Variants in RBM19 observed in about 807,000 individuals in gnomAD.
RBM19 encodes the protein RNA binding motif protein 19, also known as probable RNA-binding protein 19.
In RBM19, 94 loss-of-function variants were observed where a neutral mutation model predicts 116.8. That is an observed-to-expected ratio of 0.80 (90% CI 0.68 to 0.95). RBM19 has a LOEUF of 0.95. Ranked by LOEUF, RBM19 falls within the 40% of genes least tolerant of loss-of-function variation. The pLI, the probability that RBM19 is intolerant of heterozygous loss-of-function variation, is 0.00. For missense variants in RBM19, 1,161 were observed against 1,220.7 expected (o/e 0.95, Z 0.73); for synonymous variants, 475 against 494.1 (o/e 0.96, Z 0.51).
At chr12:113,878,283 G>C (rs1879813551) in intron 21 of RBM19, among the ~76,000 whole-genome samples, 1 of 152,118 alleles carries the variant, frequency 6.6e-6, no homozygotes, top group Non-Finnish European at 1.5e-5. Flanking sequence ...CCGGTGTCTT[G>C]ACCTCCTCAC....
At chr12:113,847,959 G>A (rs567807818) in intron 22 of RBM19, among the ~76,000 whole-genome samples, 16 of 152,318 alleles carry the variant, frequency 1.1e-4, no homozygotes, top group Admixed American at 7.2e-4. Flanking sequence ...CATGGTAAGA[G>A]GGGTGGTGGC....
At chr12:113,833,007 C>T (rs1875565644) in intron 23 of RBM19, among the ~76,000 whole-genome samples, 1 of 152,154 alleles carries the variant, frequency 6.6e-6, no homozygotes, top group South Asian at 2.1e-4. Flanking sequence ...TATCATCTGT[C>T]TGCTGATGAC....
chr12:113,919,932 C>T (rs1883008712), intron 19 of RBM19, among the ~76,000 whole-genome samples: 1 of 152,166 alleles, frequency 6.6e-6, no homozygotes, highest in Admixed American at 6.5e-5. Context: ...AATGGTCTCC[C>T]ACTGCCTTTA....
At chr12:113,869,720 A>T in intron 21 of RBM19, among the ~76,000 whole-genome samples, 1 of 150,370 alleles carries the variant, frequency 6.7e-6, no homozygotes, top group African/African-American at 2.4e-5. Flanking sequence ...ATTAAAGAGG[A>T]AAAAAAAAAC....
intron 23 of RBM19, among the ~76,000 whole-genome samples, chr12:113,837,816 A>G (rs1418831170): frequency 6.6e-6 from 1 of 152,256 alleles, no homozygotes; most frequent in Non-Finnish European, 1.5e-5. Context: ...TTGCGACAGT[A>G]CAGTAAATTG....
At chr12:113,884,282 C>CA (rs112733518) in intron 21 of RBM19, among the ~76,000 whole-genome samples, 4,646 of 121,264 alleles carry the variant, frequency 0.038, 174 homozygotes, top group African/African-American at 0.12. Context: ...GACAATATCT[C>CA]AAAAAAAAAA....
At chr12:113,852,542 G>A (rs533685823) in intron 22 of RBM19, among the ~76,000 whole-genome samples, 7 of 152,274 alleles carry the variant, frequency 4.6e-5, no homozygotes, top group Non-Finnish European at 7.4e-5. Flanking sequence ...ATTTGCTTTC[G>A]GTTAACATTT....
At chr12:113,833,449 T>A (rs1875611105) in intron 23 of RBM19, among the ~76,000 whole-genome samples, 1 of 152,228 alleles carries the variant, frequency 6.6e-6, no homozygotes, top group Non-Finnish European at 1.5e-5. Flanking sequence ...TCAAATCTTC[T>A]GGGAGCTTCC....
At chr12:113,862,344 C>T (rs1056352765) in intron 21 of RBM19, among the ~76,000 whole-genome samples, 1 of 152,086 alleles carries the variant, frequency 6.6e-6, no homozygotes, top group Non-Finnish European at 1.5e-5. Flanking sequence ...CTTCTCCCAG[C>T]CCAAGAACAA....
At chr12:113,840,658 G>C (rs1027229555) in intron 23 of RBM19, among the ~76,000 whole-genome samples, 4 of 152,220 alleles carry the variant, frequency 2.6e-5, no homozygotes, top group Non-Finnish European at 5.9e-5. Context: ...GGCTGCAGGA[G>C]AGAGAGCTGC....
At chr12:113,890,777 G>T (rs1223577442) in intron 21 of RBM19, among the ~76,000 whole-genome samples, 5 of 152,200 alleles carry the variant, frequency 3.3e-5, no homozygotes, top group African/African-American at 1.2e-4. Flanking sequence ...CAATGCAAAT[G>T]GATGTGCCTG....
chr12:113,933,713 C>T (rs2135892540), intron 16 of RBM19, among the ~76,000 whole-genome samples: 1 of 152,346 alleles, frequency 6.6e-6, no homozygotes, highest in South Asian at 2.1e-4. Context: ...AGCATGCTAT[C>T]TCCGTGATGC....
intron 22 of RBM19, among the ~76,000 whole-genome samples, chr12:113,851,870 G>C (rs865931495): frequency 2.0e-5 from 3 of 151,942 alleles, no homozygotes; most frequent in African/African-American, 7.3e-5. Flanking sequence ...GACCAACATG[G>C]AGAAACCCCG....
At position 113,955,168 on chromosome 12, in the gene RBM19, G is replaced by A. The variant is rs1871812204; in HGVS notation, c.884C>T (p.Thr295Ile). The change falls in exon 7 of 24, where the codon ACC (threonine) becomes ATC (isoleucine). Residue 295 changes from threonine (T) to isoleucine (I), a missense_variant. Transcript: ENST00000261741. ...GAACGGGGCTCCCCGCAGCTTCACG[G>A]TGTGGCAGGTGGTGGGTTCCTTCTG... Reference protein sequence around the residue: ...ANQKEPTTCHTVKLRGAPFNV... With the variant: ...ANQKEPTTCHIVKLRGAPFNV... 6.2e-7 allele frequency: 1 copy of A among 1,614,084 alleles called. No individual in the cohort carries two copies. Among genetic ancestry groups the A allele is most frequent in the East Asian group, 2.2e-5 (1 of 44,896 alleles).
chr12:113,838,330 C>T (rs563492315), intron 23 of RBM19, among the ~76,000 whole-genome samples: 29 of 152,252 alleles, frequency 1.9e-4, no homozygotes, highest in East Asian at 9.7e-4. Flanking sequence ...GCAAACTCCA[C>T]GGGGAGAATA....
intron 14 of RBM19, among the ~76,000 whole-genome samples, chr12:113,940,852 C>G (rs1054570619): frequency 6.6e-6 from 1 of 152,234 alleles, no homozygotes; most frequent in Non-Finnish European, 1.5e-5. Context: ...GAGAAATGTA[C>G]TTAACTGTGC....
intron 23 of RBM19, among the ~76,000 whole-genome samples, chr12:113,828,459 A>G (rs1445333164): frequency 1.3e-5 from 2 of 151,944 alleles, no homozygotes; most frequent in African/African-American, 2.4e-5. Flanking sequence ...GGCTTCCACA[A>G]ACTCCGCTAA....
chr12:113,945,915 G>A lies in RBM19; in HGVS notation c.1539C>T (p.Asn513=). 6.3e-7 allele frequency: 1 copy of A among 1,575,562 alleles called. No individual in the cohort carries two copies. The highest frequency in any genetic ancestry group is 1.3e-5 in the African/African-American group (1 of 74,178). The change falls in exon 13 of 24, where the codon AAC becomes AAT. Residue 513 remains asparagine, a synonymous_variant. Transcript: ENST00000261741. ...TCGGCCCCATGAATAGTGTGTTCCA[G>A]TTGTGAGAGCTAAGAGGCAGAGGCA... ...QDKANSASSH[N]WNTLFMGPNA... is the part of the protein sequence containing the mutation.
chr12:113,855,844 AGT>A (rs1275254813), intron 22 of RBM19, among the ~76,000 whole-genome samples: 4 of 152,230 alleles, frequency 2.6e-5, no homozygotes, highest in African/African-American at 9.6e-5. Context: ...ACTAATATGC[AGT>A]GTGGACGATT....
Sources: gnomAD v4.1 joint callset for allele counts (sites outside exome capture counted in the v4.1 genomes callset) on GRCh38, gnomAD v4.1.1 for gene constraint, MANE v1.5 for transcripts, NCBI Gene and HGNC (gene_info 2026-07-23, HGNC 2026-07-21) for gene names.